Variants in RSPO3 observed in about 807,000 individuals in gnomAD.
RSPO3 encodes R-spondin 3.
Under a neutral mutation model 36.5 loss-of-function variants are expected in RSPO3, and 17 were observed. That is an observed-to-expected ratio of 0.47 (90% CI 0.32 to 0.70). The LOEUF (loss-of-function observed/expected upper bound fraction) is 0.70, where lower values mean the gene tolerates loss of function less well. Among genes scored for constraint, RSPO3 ranks in the 30% least tolerant of loss-of-function variants. The probability of loss-of-function intolerance (pLI) is 0.04; values close to 1 mark genes in which losing one functional copy is unlikely to be tolerated. For synonymous variants in RSPO3, 108 were observed against 107.0 expected, an observed-to-expected ratio of 1.01 and a Z score of -0.06; for missense variants, 294 against 322.5, an observed-to-expected ratio of 0.91 and a Z score of 0.68.
At position 127,119,220 on chromosome 6, in the gene RSPO3, T is replaced by C. The variant is rs780567294; in HGVS notation, c.28T>C (p.Phe10Leu). Residue 10 changes from phenylalanine (F) to leucine (L), a missense_variant, in exon 1 of 5, where the codon TTT becomes CTT. This residue lies in a region of RSPO3 where 61 missense variants were observed against 51.3 expected (regional missense o/e 1.19). Coordinates refer to ENST00000356698, the MANE Select transcript of RSPO3 (RefSeq NM_032784.5). Reference protein sequence around the residue: MHLRLISWLFIILNFMEYIG... With the variant: MHLRLISWLLIILNFMEYIG... ...GCACTTGCGACTGATTTCTTGGCTT[T>C]TTATCATTTTGAACTTTATGGAATA... The C allele has an allele frequency of 6.2e-7, 1 of 1,613,898 alleles. No individual in the cohort carries two copies. The highest frequency in any genetic ancestry group is 1.1e-5 in the South Asian group (1 of 91,022).
chr6:127,119,620 A>T (rs1354679133), intron 1 of RSPO3, among the ~76,000 whole-genome samples: 1 of 152,218 alleles, frequency 6.6e-6, no homozygotes, highest in Non-Finnish European at 1.5e-5. Context: ...TGAGGATCGG[A>T]CAGGGGCACC....
Position 127,150,486 on chromosome 6 carries a change from G to A in RSPO3, c.350G>A (p.Gly117Glu). The change falls in exon 3 of 5, where the codon GGA (glycine) becomes GAA (glutamate). Residue 117 changes from glycine to glutamate, a missense_variant. Transcript: ENST00000356698. ...AATTTCTGCACAAAATGTAAAAGTG[G>A]ATTTTACTTACACCTTGGAAAGTGC... Reference protein sequence around the residue: ...NKNFCTKCKSGFYLHLGKCLD... With the variant: ...NKNFCTKCKSEFYLHLGKCLD... The A allele has an allele frequency of 6.2e-7, 1 of 1,612,394 alleles. No individual in the cohort carries two copies. Among genetic ancestry groups the A allele is most frequent in the South Asian group, 1.1e-5 (1 of 90,976 alleles).
At position 127,177,205 on chromosome 6, in the gene RSPO3, G is replaced by A. The variant is rs73771610; in HGVS notation, c.635-18618G>A. ...AATAACCAACAAATCATCAAAAACT[G>A]TAACATGTTACCCAATTCTTGGGAA... On this transcript the variant is annotated intron_variant, in intron 4 of 4. Coordinates refer to ENST00000356698, the MANE Select transcript of RSPO3 (RefSeq NM_032784.5). Among the ~76,000 whole-genome samples, 827 of 151,954 alleles carry A rather than the reference G, an allele frequency of 5.4e-3. 6 individuals are homozygous for A. Among genetic ancestry groups the A allele is most frequent in the African/African-American group, 0.018 (756 of 41,514 alleles).
chr6:127,130,823 C>T (rs1469771749), intron 1 of RSPO3, among the ~76,000 whole-genome samples: 1 of 151,922 alleles, frequency 6.6e-6, no homozygotes, highest in East Asian at 1.9e-4. Context: ...TTTTGTTTTT[C>T]AATTTATGAT....
intron 1 of RSPO3, among the ~76,000 whole-genome samples, chr6:127,141,805 T>G (rs567241022): frequency 4.3e-4 from 65 of 152,148 alleles, no homozygotes; most frequent in Non-Finnish European, 6.0e-4. Flanking sequence ...GAAAGACCAA[T>G]AGAATTTGTA....
At chr6:127,129,427 G>T (rs1774007127) in intron 1 of RSPO3, among the ~76,000 whole-genome samples, 1 of 151,980 alleles carries the variant, frequency 6.6e-6, no homozygotes, top group Admixed American at 6.6e-5. Flanking sequence ...GGGCTCTTTG[G>T]GATAATATGG....
At chr6:127,180,610 T>C (rs1482932476) in intron 4 of RSPO3, among the ~76,000 whole-genome samples, 1 of 149,124 alleles carries the variant, frequency 6.7e-6, no homozygotes, top group Non-Finnish European at 1.5e-5. Context: ...ATTTGAGAGA[T>C]ATGCAAGAAG....
intron 1 of RSPO3, among the ~76,000 whole-genome samples, chr6:127,147,140 C>G (rs1774401481): frequency 6.6e-6 from 1 of 152,106 alleles, no homozygotes; most frequent in Non-Finnish European, 1.5e-5. Context: ...GAATGAGCTG[C>G]TTGTGGTTCC....
Position 127,197,750 on chromosome 6 carries a change from A to C in RSPO3, c.*1743A>C. ...TCTCTCTTCCTCTTCTAAGATATAA[A>C]CATTTTAAATGATTTATTCCTGTTT... On this transcript the variant is annotated 3_prime_UTR_variant, in exon 5 of 5. Transcript: ENST00000356698. 2.2e-6 allele frequency: 1 copy of C among 451,994 alleles called. No individual in the cohort carries two copies. The highest frequency in any genetic ancestry group is 4.8e-5 in the South Asian group (1 of 20,884). 28.0% of individuals were successfully genotyped at this position (451,994 alleles called of 1,614,324 possible).
intron 4 of RSPO3, among the ~76,000 whole-genome samples, chr6:127,182,591 T>A (rs1775211378): frequency 2.0e-5 from 3 of 151,962 alleles, no homozygotes; most frequent in Non-Finnish European, 4.4e-5. Flanking sequence ...TTTCAGCTCA[T>A]TTGCTTAAGC....
At chr6:127,161,141 T>C (rs1465112694) in intron 4 of RSPO3, among the ~76,000 whole-genome samples, 1 of 152,142 alleles carries the variant, frequency 6.6e-6, no homozygotes, top group Non-Finnish European at 1.5e-5. Context: ...TTGTTTCCTC[T>C]GGCATTGACA....
At chr6:127,147,200 C>A (rs1015844151) in intron 1 of RSPO3, among the ~76,000 whole-genome samples, 1 of 152,096 alleles carries the variant, frequency 6.6e-6, no homozygotes, top group Admixed American at 6.6e-5. Flanking sequence ...GCTGGTCAAC[C>A]GAATGACCTC....
intron 4 of RSPO3, among the ~76,000 whole-genome samples, chr6:127,163,375 A>G (rs1774748993): frequency 6.6e-6 from 1 of 152,088 alleles, no homozygotes; most frequent in African/African-American, 2.4e-5. Flanking sequence ...CTTGCTTTTT[A>G]TATCCTCCAG....
intron 4 of RSPO3, among the ~76,000 whole-genome samples, chr6:127,162,107 A>G (rs920982985): frequency 3.9e-5 from 6 of 152,124 alleles, no homozygotes; most frequent in Non-Finnish European, 7.3e-5. Flanking sequence ...AGCCTTCCAA[A>G]GTAGAAAAGG....
At chr6:127,153,255 C>G (rs1774526024) in intron 3 of RSPO3, among the ~76,000 whole-genome samples, 1 of 152,050 alleles carries the variant, frequency 6.6e-6, no homozygotes, top group Non-Finnish European at 1.5e-5. Flanking sequence ...TATCTCTTAA[C>G]CAAGGAGTGC....
At chr6:127,164,513 C>A (rs1481052116) in intron 4 of RSPO3, among the ~76,000 whole-genome samples, 1 of 151,974 alleles carries the variant, frequency 6.6e-6, no homozygotes, top group Non-Finnish European at 1.5e-5. Flanking sequence ...CTATTTTTTT[C>A]TAGTTTCTCT....
At chr6:127,181,747 C>T (rs913220423) in intron 4 of RSPO3, among the ~76,000 whole-genome samples, 3 of 151,790 alleles carry the variant, frequency 2.0e-5, no homozygotes, top group African/African-American at 7.3e-5. Flanking sequence ...ATTTTCACTC[C>T]CCAATATTTG....
chr6:127,143,610 T>G (rs1170050401), intron 1 of RSPO3, among the ~76,000 whole-genome samples: 1 of 152,234 alleles, frequency 6.6e-6, no homozygotes, highest in African/African-American at 2.4e-5. Context: ...CAAACCTGTC[T>G]TATTAGTCTA....
rs112901246 is a variant in RSPO3 at position 127,175,363 on chromosome 6, GTAAA to G, written c.634+19926_634+19929del. Among the ~76,000 whole-genome samples the G allele has an allele frequency of 1.2e-3, 181 of 151,744 alleles. 1 individual carries two copies. The highest frequency in any genetic ancestry group is 4.3e-3 in the African/African-American group (177 of 41,474). On this transcript the variant is annotated intron_variant, in intron 4 of 4. Transcript: ENST00000356698. ...CTTGCGGAATATTGAAAACCAGTAA[GTAAA>G]AGCTTTGCTAGTTTCAATTACAGAA...
Sources: allele counts gnomAD v4.1 joint callset (sites outside exome capture counted in the v4.1 genomes callset), GRCh38; gene constraint gnomAD v4.1.1; regional missense constraint gnomAD v4.1.1; transcripts MANE v1.5; gene names NCBI Gene and HGNC (gene_info 2026-07-23, HGNC 2026-07-21).